KCNB2: variants seen among roughly 807,000 people sequenced by gnomAD.
KCNB2 encodes the protein delayed rectifier potassium channel protein.
A neutral mutation model predicts 61.5 loss-of-function variants in KCNB2; 15 were observed. That is an observed-to-expected ratio of 0.24 (90% confidence interval 0.16 to 0.38). KCNB2 has a LOEUF of 0.38. KCNB2 is among the 10% of genes least tolerant of loss of function. KCNB2 has a pLI of 1.00. For synonymous variants in KCNB2, 457 were observed against 446.0 expected (o/e 1.02, Z -0.31); for missense variants, 828 against 1,125.2 (o/e 0.74, Z 3.78).
intron 2 of KCNB2, among the ~76,000 whole-genome samples, chr8:72,851,321 T>C (rs1810103543): frequency 6.6e-6 from 1 of 152,252 alleles, no homozygotes; most frequent in Non-Finnish European, 1.5e-5. Flanking sequence ...AGACGAGTTG[T>C]AGCATCTGAG....
intron 2 of KCNB2, among the ~76,000 whole-genome samples, chr8:72,759,074 A>G (rs184432690): frequency 3.0e-4 from 46 of 152,240 alleles, no homozygotes; most frequent in Non-Finnish European, 6.3e-4. Context: ...TGAAAGTGTT[A>G]TGTTGGGGCC....
At chr8:72,910,820 A>C (rs996167398) in intron 2 of KCNB2, among the ~76,000 whole-genome samples, 2 of 152,238 alleles carry the variant, frequency 1.3e-5, no homozygotes, top group African/African-American at 2.4e-5. Context: ...ATGAGAACAA[A>C]GTTAAAAGAG....
intron 2 of KCNB2, among the ~76,000 whole-genome samples, chr8:72,903,271 T>C (rs1238339097): frequency 6.6e-6 from 1 of 152,076 alleles, no homozygotes; most frequent in African/African-American, 2.4e-5. Context: ...TGATACTGGG[T>C]GTGTTGAGGA....
intron 2 of KCNB2, among the ~76,000 whole-genome samples, chr8:72,870,388 A>C (rs1033761828): frequency 6.6e-6 from 1 of 152,232 alleles, no homozygotes; most frequent in African/African-American, 2.4e-5. Context: ...AAATTGTATA[A>C]TTGCATTGAG....
At chr8:72,692,664 T>A (rs114681147) in intron 2 of KCNB2, among the ~76,000 whole-genome samples, 1 of 152,100 alleles carries the variant, frequency 6.6e-6, no homozygotes, top group Admixed American at 6.5e-5. Context: ...TTTCACAGAT[T>A]ATATAAGACA....
chr8:72,923,197 G>A (rs1278757441), intron 2 of KCNB2, among the ~76,000 whole-genome samples: 1 of 152,002 alleles, frequency 6.6e-6, no homozygotes, highest in African/African-American at 2.4e-5. Context: ...TCAGGTAGAA[G>A]GCTTCAGAAA....
At chr8:72,931,828 C>T (rs899587500) in intron 2 of KCNB2, among the ~76,000 whole-genome samples, 1 of 152,090 alleles carries the variant, frequency 6.6e-6, no homozygotes. Flanking sequence ...GCCTGGCCAA[C>T]GTGGTGAAAC....
Position 72,715,635 on chromosome 8 carries a change from C to A in KCNB2, c.579+147322C>A, listed in dbSNP as rs148740916. ...CAACGAGAACAAAGACACAACATAC[C>A]AGAATCTCTGGGACACAATCAAAGC... On this transcript the variant is annotated intron_variant, in intron 2 of 2. Transcript: ENST00000523207. 7.0e-4 allele frequency among the ~76,000 whole-genome samples: 107 copies of A among 152,120 alleles called. 1 individual carries two copies. Among genetic ancestry groups the A allele is most frequent in the African/African-American group, 2.3e-3 (97 of 41,502 alleles).
chr8:72,570,424 A>G (rs1227782989), intron 2 of KCNB2, among the ~76,000 whole-genome samples: 2 of 152,184 alleles, frequency 1.3e-5, no homozygotes, highest in East Asian at 1.9e-4. Flanking sequence ...GTGAAATATT[A>G]TGGAAAGTAT....
chr8:72,863,282 A>G (rs1327182024), intron 2 of KCNB2, among the ~76,000 whole-genome samples: 1 of 152,212 alleles, frequency 6.6e-6, no homozygotes, highest in East Asian at 1.9e-4. Context: ...TCCCTCTGCA[A>G]TCTGGTTTGC....
intron 2 of KCNB2, among the ~76,000 whole-genome samples, chr8:72,925,784 C>G (rs898243347): frequency 4.6e-5 from 7 of 152,280 alleles, no homozygotes; most frequent in African/African-American, 1.4e-4. Context: ...TGTAAAAATA[C>G]ACGCACAAGT....
intron 2 of KCNB2, among the ~76,000 whole-genome samples, chr8:72,611,749 G>A (rs1475215671): frequency 6.6e-6 from 1 of 152,018 alleles, no homozygotes; most frequent in Non-Finnish European, 1.5e-5. Flanking sequence ...CCTTATATTG[G>A]TGATACATGA....
At chr8:72,557,155 A>G (rs1217683618) in intron 1 of KCNB2, among the ~76,000 whole-genome samples, 1 of 152,182 alleles carries the variant, frequency 6.6e-6, no homozygotes, top group Non-Finnish European at 1.5e-5. Context: ...CATTCAGACC[A>G]TAGTACATGG....
intron 2 of KCNB2, among the ~76,000 whole-genome samples, chr8:72,801,847 A>C (rs982190537): frequency 6.6e-6 from 1 of 152,256 alleles, no homozygotes; most frequent in African/African-American, 2.4e-5. Context: ...AAAAAACAAA[A>C]AACAAAAAAC....
intron 2 of KCNB2, among the ~76,000 whole-genome samples, chr8:72,691,868 A>G (rs1806944964): frequency 6.6e-6 from 1 of 152,274 alleles, no homozygotes; most frequent in Non-Finnish European, 1.5e-5. Context: ...GTGATTTGTG[A>G]TGAGATAAAT....
At chr8:72,857,194 A>G (rs1283416308) in intron 2 of KCNB2, among the ~76,000 whole-genome samples, 1 of 152,194 alleles carries the variant, frequency 6.6e-6, no homozygotes, top group Non-Finnish European at 1.5e-5. Flanking sequence ...AGGGAGTCAG[A>G]CTTGAACAAT....
intron 2 of KCNB2, among the ~76,000 whole-genome samples, chr8:72,671,101 G>A (rs1212217706): frequency 1.3e-5 from 2 of 152,264 alleles, no homozygotes; most frequent in East Asian, 3.9e-4. Context: ...GATGTTTTAT[G>A]CATCCTACAG....
intron 2 of KCNB2, among the ~76,000 whole-genome samples, chr8:72,695,185 A>T (rs904743045): frequency 6.6e-6 from 1 of 152,164 alleles, no homozygotes; most frequent in African/African-American, 2.4e-5. Context: ...AAATATGCAT[A>T]CAGTTTGTTT....
chr8:72,561,490 G>A (rs909875710), intron 1 of KCNB2, among the ~76,000 whole-genome samples: 2 of 150,834 alleles, frequency 1.3e-5, no homozygotes, highest in Non-Finnish European at 2.9e-5. Flanking sequence ...GATATTAGCA[G>A]CCTTTGATTG....
Sources: allele counts gnomAD v4.1 joint callset (sites outside exome capture counted in the v4.1 genomes callset), GRCh38; gene constraint gnomAD v4.1.1; transcripts MANE v1.5; gene names NCBI Gene and HGNC (gene_info 2026-07-23, HGNC 2026-07-21).